FANCA: variants seen among roughly 807,000 people sequenced by gnomAD.
FANCA encodes FA complementation group A.
In FANCA, 236 loss-of-function variants were observed where a neutral mutation model predicts 194.3. That is an observed-to-expected ratio of 1.21 (90% CI 1.09 to 1.35). FANCA has a LOEUF of 1.35. Among genes scored for constraint, FANCA ranks in the 40% most tolerant of loss-of-function variants. The pLI, the probability that FANCA is intolerant of heterozygous loss-of-function variation, is 0.00. For synonymous variants in FANCA, 1,014 were observed against 715.8 expected, an observed-to-expected ratio of 1.42 and a Z score of -6.65; for missense variants, 2,628 against 1,813.9, an observed-to-expected ratio of 1.45 and a Z score of -8.15.
chr16:89,744,886 T>C, intron 36 of FANCA, 73 bp downstream of exon 36: 1 of 1,363,552 alleles, frequency 7.3e-7, no homozygotes. Flanking sequence ...AGCCAGGGTG[T>C]TTAGGAGATG....
At position 89,791,979 on chromosome 16, in the gene FANCA, G is replaced by A. The variant is rs2040091412; in HGVS notation, c.1173C>T (p.Ser391=). 6.2e-7 allele frequency: 1 copy of A among 1,614,144 alleles called. No homozygotes were observed. Among genetic ancestry groups the A allele is most frequent in the Non-Finnish European group, 8.5e-7 (1 of 1,180,026 alleles). Residue 391 remains serine (S), a synonymous_variant, in exon 13 of 43, where the codon TCC becomes TCT. Transcript: ENST00000389301. The stretch of plus-strand genomic sequence containing the variant: ...AGCAGACAACCAGGGCAGACACAAA[G>A]GAGAGCACTCTCTGCCAGTGAACCT... ...TQEVHWQRVL[S]FVSALVVCFP...
chr16:89,791,651 C>A, intron 13 of FANCA, 115 bp from the exon 14 acceptor site: 1 of 1,439,292 alleles, frequency 6.9e-7, no homozygotes, highest in Non-Finnish European at 9.5e-7. Context: ...ACCCAAACAC[C>A]AAGTTTTAAA....
rs74033856 is a variant in FANCA at position 89,754,802 on chromosome 16, G to C, written c.2982-2580C>G. On this transcript the variant is annotated intron_variant, in intron 30 of 42. Transcript: ENST00000389301. ...ACGTTAGCAACAAATGATTCAAAAG[G>C]AAAGAAGACTCGCTATCACTGAGAT... 5.1e-3 allele frequency among the ~76,000 whole-genome samples: 782 copies of C among 152,256 alleles called. 6 individuals carry two copies. Among genetic ancestry groups the C allele is most frequent in the African/African-American group, 0.018 (756 of 41,548 alleles).
intron 32 of FANCA, 125 bp downstream of exon 32, chr16:89,749,604 TG>T: frequency 8.4e-7 from 1 of 1,196,632 alleles, no homozygotes; most frequent in Non-Finnish European, 1.2e-6. Context: ...TGGACAGGCT[TG>T]GGGTGGGGAC....
At chr16:89,740,755 C>G in intron 38 of FANCA, 49 bp downstream of exon 38, 1 of 1,552,858 alleles carries the variant, frequency 6.4e-7, no homozygotes, top group Non-Finnish European at 8.9e-7. Context: ...GGTGCCCCTG[C>G]CTGGCCCACA....
At chr16:89,807,132 C>G (rs1243555150) in intron 6 of FANCA, among the ~76,000 whole-genome samples, 2 of 151,528 alleles carry the variant, frequency 1.3e-5, no homozygotes, top group East Asian at 3.9e-4. Context: ...ATTTTTGCTT[C>G]ATAGATTTTG....
chr16:89,807,990 G>T (rs1421315842), intron 6 of FANCA, among the ~76,000 whole-genome samples: 2 of 152,120 alleles, frequency 1.3e-5, no homozygotes, highest in African/African-American at 4.8e-5. Context: ...CCCTGGAGGT[G>T]GAGGTTGTAG....
At position 89,742,943 on chromosome 16, in the gene FANCA, G is replaced by T. The variant is rs1417894512; in HGVS notation, c.3627-5C>A. The T allele has an allele frequency of 1.2e-6, 2 of 1,613,646 alleles. No homozygotes were observed. Among genetic ancestry groups the T allele is most frequent in the Non-Finnish European group, 1.7e-6 (2 of 1,179,648 alleles). On this transcript the variant is annotated splice_polypyrimidine_tract_variant and splice_region_variant and intron_variant, in intron 36 of 42. Coordinates refer to ENST00000389301, the MANE Select transcript of FANCA (RefSeq NM_000135.4). Reference sequence around the variant, plus strand: ...GCAGCCTCAGGGGAGAGGAAACTGGGACAGAGAGAACGGGGTCATTGCAGG... The same window carrying T: ...GCAGCCTCAGGGGAGAGGAAACTGGTACAGAGAGAACGGGGTCATTGCAGG...
rs573756711 is a variant in FANCA at position 89,778,362 on chromosome 16, A to C, written c.1826+439T>G. 7.3e-4 allele frequency: 272 copies of C among 370,894 alleles called. 1 individual carries two copies. Among genetic ancestry groups the C allele is most frequent in the Middle Eastern group, 1.8e-3 (2 of 1,096 alleles). The allele number at this position is 370,894 out of a possible 1,614,324, so 23.0% of individuals were successfully genotyped here. A position where few individuals can be genotyped will look rare whatever the true frequency, so the allele number is the denominator to read the frequency against. The stretch of plus-strand genomic sequence containing the variant: ...ATACCTATAATCCCAGCTACTCAGG[A>C]GGCTGAGGCAGGACAATTGCTCCAA... On this transcript the variant is annotated intron_variant, in intron 20 of 42. Transcript: ENST00000389301.
intron 27 of FANCA, 71 bp downstream of exon 27, chr16:89,767,070 C>T: frequency 2.4e-6 from 3 of 1,271,712 alleles, no homozygotes; most frequent in Non-Finnish European, 2.3e-6. Context: ...AGACCTCGGC[C>T]TTCCGGTCCG....
chr16:89,776,891 A>C (rs1407692684), intron 20 of FANCA, among the ~76,000 whole-genome samples: 2 of 152,174 alleles, frequency 1.3e-5, no homozygotes, highest in Non-Finnish European at 2.9e-5. Flanking sequence ...ATCCTTAGCA[A>C]ATTAGTAAGA....
At chr16:89,773,516 G>C in intron 21 of FANCA, 132 bp from the exon 22 acceptor site, 1 of 715,036 alleles carries the variant, frequency 1.4e-6, no homozygotes, top group East Asian at 2.7e-5. Context: ...CGGAGGGACT[G>C]GGAGTCTCTG....
chr16:89,807,733 A>G (rs2040713139), intron 6 of FANCA, among the ~76,000 whole-genome samples: 2 of 151,952 alleles, frequency 1.3e-5, no homozygotes, highest in South Asian at 4.2e-4. Context: ...AAATACAAAA[A>G]TTAGCCAGGC....
Position 89,799,227 on chromosome 16 carries a change from G to A in FANCA, c.832C>T (p.Leu278Phe). The A allele has an allele frequency of 6.2e-7, 1 of 1,614,080 alleles. No homozygotes were observed. Among genetic ancestry groups the A allele is most frequent in the Non-Finnish European group, 8.5e-7 (1 of 1,180,046 alleles). ...DVLQRMLIFALDALAAGVQEE... is the reference protein window; with the variant it reads ...DVLQRMLIFAFDALAAGVQEE... ...TGTACTCCAGCAGCCAAAGCGTCAA[G>A]TGCAACTGAAGACAGAGCCAGGAAC... is the stretch of plus-strand genomic sequence containing the variant. Residue 278 changes from leucine to phenylalanine, a missense_variant, in exon 10 of 43, where the codon CTT becomes TTT. Coordinates refer to ENST00000389301, the MANE Select transcript of FANCA (RefSeq NM_000135.4).
chr16:89,781,335 G>A lies in FANCA; in HGVS notation c.1627-1378C>T, dbSNP rs558568027. Among the ~76,000 whole-genome samples, 6 of 128,408 alleles carry A rather than the reference G, an allele frequency of 4.7e-5. No homozygotes were observed. In the South Asian group the frequency reaches 1.5e-3, roughly 32 times the overall value. The allele number at this position is 128,408 out of a possible 152,430, so 84.2% of individuals were successfully genotyped here. A position where few individuals can be genotyped will look rare whatever the true frequency, so the allele number is the denominator to read the frequency against. ...GCTGAGACTGCGCCACTGCACTCCA[G>A]CCTGGGCAATAGAACGAGACTCCAT... On this transcript the variant is annotated intron_variant, in intron 17 of 42. Transcript: ENST00000389301.
At chr16:89,773,429 AC>A in intron 21 of FANCA, 45 bp from the exon 22 acceptor site, 1 of 1,337,274 alleles carries the variant, frequency 7.5e-7, no homozygotes, top group Non-Finnish European at 1.0e-6. Flanking sequence ...ACTCAACAGG[AC>A]TCTTCACTGC....
rs761179489 is a variant in FANCA, at chr16:89,791,415, T to C, written c.1347A>G (p.Ala449=). The change falls in exon 14 of 43, where the codon GCA becomes GCG. Residue 449 remains alanine, a synonymous_variant. Coordinates refer to ENST00000389301, the MANE Select transcript of FANCA (RefSeq NM_000135.4). ...LEGPSAFLSY[A]DWFKASFGST... Reference sequence around the variant, plus strand: ...GCAGGTCACTTACCTTGAACCAGTCTGCATATGACAGGAACGCAGAGGGGC... The same window carrying C: ...GCAGGTCACTTACCTTGAACCAGTCCGCATATGACAGGAACGCAGAGGGGC... The C allele has an allele frequency of 1.9e-6, 3 of 1,614,032 alleles. No homozygotes were observed. Among genetic ancestry groups the C allele is most frequent in the East Asian group, 2.2e-5 (1 of 44,874 alleles).
intron 20 of FANCA, 107 bp from the exon 21 acceptor site, chr16:89,775,922 A>C: frequency 1.5e-6 from 1 of 666,260 alleles, no homozygotes; most frequent in Non-Finnish European, 2.5e-6. Flanking sequence ...ATTTAAATAA[A>C]TTATAAATAC....
intron 8 of FANCA, 72 bp downstream of exon 8, chr16:89,803,187 G>C (rs747235117): frequency 1.4e-6 from 2 of 1,398,742 alleles, no homozygotes; most frequent in Admixed American, 1.7e-5. Flanking sequence ...AGAGAGACAC[G>C]TAAATACATT....
Sources: gnomAD v4.1 joint callset for allele counts (sites outside exome capture counted in the v4.1 genomes callset) on GRCh38, gnomAD v4.1.1 for gene constraint, MANE v1.5 for transcripts, NCBI Gene and HGNC (gene_info 2026-07-23, HGNC 2026-07-21) for gene names.